SYPL2: variants seen among roughly 807,000 people sequenced by gnomAD.
SYPL2 encodes synaptophysin like 2.
In SYPL2, 24 loss-of-function variants were observed where a neutral mutation model predicts 31.3. That is an observed-to-expected ratio of 0.77 (90% CI 0.56 to 1.08). SYPL2 has a LOEUF of 1.08. SYPL2 is among the 50% of genes least tolerant of loss of function. The probability of loss-of-function intolerance (pLI) is 0.00; values close to 1 mark genes in which losing one functional copy is unlikely to be tolerated. For synonymous variants in SYPL2, 144 were observed against 143.1 expected (o/e 1.01, Z -0.05); for missense variants, 342 against 360.1 (o/e 0.95, Z 0.41).
intron 1 of SYPL2, 74 bp downstream of exon 1, chr1:109,466,971 C>A (rs1655660271): frequency 6.5e-7 from 1 of 1,536,320 alleles, no homozygotes; most frequent in Admixed American, 2.0e-5. Flanking sequence ...TATCCCACCC[C>A]TGGACCGCGT....
intron 2 of SYPL2, among the ~76,000 whole-genome samples, chr1:109,468,840 C>G (rs1655738039): frequency 6.6e-6 from 1 of 152,052 alleles, no homozygotes; most frequent in Admixed American, 6.5e-5. Context: ...AAAGCAATGC[C>G]CAGGGAAATG....
At chr1:109,471,282 G>C (rs542459942) in intron 2 of SYPL2, among the ~76,000 whole-genome samples, 1 of 152,170 alleles carries the variant, frequency 6.6e-6, no homozygotes, top group African/African-American at 2.4e-5. Context: ...GGTACCATCC[G>C]ACTGTATAGT....
chr1:109,474,004 C>G (rs1655915666), intron 2 of SYPL2, among the ~76,000 whole-genome samples: 1 of 152,130 alleles, frequency 6.6e-6, no homozygotes, highest in Non-Finnish European at 1.5e-5. Context: ...TTCCATACTC[C>G]TAGTTCAGGT....
At position 109,480,488 on chromosome 1, in the gene SYPL2, A is replaced by T. The variant is rs1656131553; in HGVS notation, c.*940A>T. ...CAGCATCGTGCATCTGAGGCATTTG[A>T]GATCCTTTTTGAAGTCTGTCCAGGC... On this transcript the variant is annotated 3_prime_UTR_variant, in exon 6 of 6. Coordinates refer to ENST00000369872, the MANE Select transcript of SYPL2 (RefSeq NM_001040709.2). 6.6e-6 allele frequency: 1 copy of T among 152,036 alleles called. No homozygotes were observed. Among genetic ancestry groups the T allele is most frequent in the Non-Finnish European group, 1.5e-5 (1 of 68,072 alleles). 9.4% of individuals were successfully genotyped at this position (152,036 alleles called of 1,614,324 possible).
At chr1:109,475,195 G>A (rs1172000925) in intron 2 of SYPL2, 1 of 162,634 alleles carries the variant, frequency 6.1e-6, no homozygotes, top group Non-Finnish European at 1.3e-5. Flanking sequence ...CCCTTGGGAA[G>A]GAAATTCAAG....
At chr1:109,472,561 G>A (rs4970767) in intron 2 of SYPL2, among the ~76,000 whole-genome samples, 101,241 of 149,304 alleles carry the variant, frequency 0.68, 34,990 homozygotes, top group East Asian at 0.96. Context: ...ATAACTGACC[G>A]TTCACTGCCC....
At chr1:109,475,053 C>T (rs1175792232) in intron 2 of SYPL2, among the ~76,000 whole-genome samples, 1 of 152,170 alleles carries the variant, frequency 6.6e-6, no homozygotes, top group African/African-American at 2.4e-5. Context: ...TATACCTCCA[C>T]CAAGGCAGGA....
In SYPL2 at chr1:109,482,015, G is replaced by A. The variant is rs1656174006; in HGVS notation, c.*2467G>A. ...GACATGAGTTTCCTTCACTATCATA[G>A]TCATGAGCCTCCTACTTCTGGGATT... is the stretch of plus-strand genomic sequence containing the variant. On this transcript the variant is annotated 3_prime_UTR_variant, in exon 6 of 6. Transcript: ENST00000369872. The A allele has an allele frequency of 6.6e-6, 1 of 152,386 alleles. No individual in the cohort carries two copies. The highest frequency in any genetic ancestry group is 2.4e-5 in the African/African-American group (1 of 41,348). 9.4% of individuals were successfully genotyped at this position (152,386 alleles called of 1,614,324 possible).
At position 109,467,104 on chromosome 1, in the gene SYPL2, C is replaced by A. The variant is rs1169527347; in HGVS notation, c.100C>A (p.Pro34Thr). ...GCTGCGCTGGCGGCGGCTGGAGGAG[C>A]CGCTGGGCTTCATCAAAGTTCTCCA... ...VGLRWRRLEE[P>T]LGFIKVLQWL... The change falls in exon 2 of 6, where the codon CCG becomes ACG. Residue 34 changes from proline (P) to threonine (T), a missense_variant. Coordinates refer to ENST00000369872, the MANE Select transcript of SYPL2 (RefSeq NM_001040709.2). 1.9e-6 allele frequency: 3 copies of A among 1,544,756 alleles called. No homozygotes were observed. The highest frequency in any genetic ancestry group is 4.9e-5 in the East Asian group (2 of 40,878).
intron 2 of SYPL2, among the ~76,000 whole-genome samples, chr1:109,472,637 G>A (rs1326976806): frequency 7.9e-6 from 1 of 126,216 alleles, no homozygotes; most frequent in Non-Finnish European, 1.7e-5. Flanking sequence ...TTGAGATGGG[G>A]GTCTTGTTCT....
In SYPL2 at chr1:109,466,727, C is replaced by T; in HGVS notation, c.-117C>T. The stretch of plus-strand genomic sequence containing the variant: ...GGCCCACCGACGGCCGCTCGCGCTC[C>T]GGCCCCGCTCGCCTGCTCTGCCCCG... On this transcript the variant is annotated 5_prime_UTR_variant, in exon 1 of 6. Transcript: ENST00000369872. 1 of 1,161,880 alleles carries T rather than the reference C, an allele frequency of 8.6e-7. No individual in the cohort carries two copies. The highest frequency in any genetic ancestry group is 1.1e-6 in the Non-Finnish European group (1 of 895,782). 72.0% of individuals were successfully genotyped at this position (1,161,880 alleles called of 1,614,324 possible).
intron 2 of SYPL2, 140 bp downstream of exon 2, chr1:109,467,273 G>C: frequency 3.2e-6 from 2 of 630,374 alleles, no homozygotes; most frequent in South Asian, 2.0e-5. Context: ...ACAGGTGGGC[G>C]GGGGAGGGGC....
At chr1:109,467,401 C>G (rs1655686709) in intron 2 of SYPL2, among the ~76,000 whole-genome samples, 1 of 152,180 alleles carries the variant, frequency 6.6e-6, no homozygotes, top group Admixed American at 6.5e-5. Context: ...CACATTTCAC[C>G]CGGGCGAGAG....
rs777271572 is a variant in SYPL2, at chr1:109,480,264, T to A, written c.*716T>A. Reference sequence around the variant, plus strand: ...AAGAAAGTAAAGCCAGTAAGCTTGCTGGCAGAATCAATTTCTTCTATCCCC... The same window carrying A: ...AAGAAAGTAAAGCCAGTAAGCTTGCAGGCAGAATCAATTTCTTCTATCCCC... On this transcript the variant is annotated 3_prime_UTR_variant, in exon 6 of 6. Transcript: ENST00000369872. The A allele has an allele frequency of 6.6e-6, 1 of 152,266 alleles. No homozygotes were observed. Among genetic ancestry groups the A allele is most frequent in the Non-Finnish European group, 1.5e-5 (1 of 68,070 alleles). The allele number at this position is 152,266 out of a possible 1,614,324, so 9.4% of individuals were successfully genotyped here.
chr1:109,476,725 G>A lies in SYPL2; in HGVS notation c.255-51G>A, dbSNP rs751641587. On this transcript the variant is annotated intron_variant, in intron 3 of 5. Transcript: ENST00000369872. ...CTAGCACAGGACTACTTCTGGGCCA[G>A]GGAGAGAGAGGATTGCCTGAGCTCA... 35 of 1,580,008 alleles carry A rather than the reference G, an allele frequency of 2.2e-5. 1 individual carries two copies. The Middle Eastern group carries it at 4.2e-3, about 189-fold the overall frequency.
chr1:109,476,298 A>G (rs1012555762), intron 3 of SYPL2, among the ~76,000 whole-genome samples: 1 of 152,176 alleles, frequency 6.6e-6, no homozygotes, highest in Non-Finnish European at 1.5e-5. Flanking sequence ...TAACTGTCTC[A>G]TATATAATAG....
intron 2 of SYPL2, among the ~76,000 whole-genome samples, chr1:109,469,203 A>G (rs559683933): frequency 9.8e-5 from 15 of 152,338 alleles, no homozygotes; most frequent in Middle Eastern, 3.4e-3. Flanking sequence ...TGGAGGGATC[A>G]AATGCTCCTG....
chr1:109,468,430 C>T (rs1425831539), intron 2 of SYPL2, among the ~76,000 whole-genome samples: 1 of 152,164 alleles, frequency 6.6e-6, no homozygotes, highest in East Asian at 1.9e-4. Context: ...TGGGAGCTCC[C>T]AAGTGCAAAC....
rs1656064465 is a variant in SYPL2, at chr1:109,478,469, T to C, written c.648+460T>C. Among the ~76,000 whole-genome samples the C allele has an allele frequency of 6.6e-6, 1 of 152,326 alleles. No homozygotes were observed. The highest frequency in any genetic ancestry group is 1.9e-4 in the East Asian group (1 of 5,186). On this transcript the variant is annotated intron_variant, in intron 5 of 5. Transcript: ENST00000369872. The surrounding 1 kb of genome is among the most constrained non-coding windows in gnomAD (Gnocchi z 4.0). The stretch of plus-strand genomic sequence containing the variant: ...GGCTTTGGAGCAGTAGTGGGTCTGC[T>C]GGATGCATATGGATTTGGCCATCCC...
Sources: gnomAD v4.1 joint callset for allele counts (sites outside exome capture counted in the v4.1 genomes callset) on GRCh38, gnomAD v4.1.1 for gene constraint, Gnocchi (gnomAD v3.1) non-coding constraint, MANE v1.5 for transcripts, NCBI Gene and HGNC (gene_info 2026-07-23, HGNC 2026-07-21) for gene names.